Variants in SLC8A1 observed in about 807,000 individuals in gnomAD.
The protein encoded by SLC8A1 is sodium/calcium exchanger 1.
SLC8A1 carries 18 observed loss-of-function variants against 68.3 expected under a neutral mutation model. The observed-to-expected ratio is 0.26, with a 90% CI of 0.18 to 0.39. SLC8A1 has a LOEUF of 0.39. Among genes scored for constraint, SLC8A1 ranks in the 10% least tolerant of loss-of-function variants. The pLI is 1.00. For missense variants in SLC8A1, 985 were observed against 1,156.7 expected (o/e 0.85, Z 2.15); for synonymous variants, 475 against 415.5 (o/e 1.14, Z -1.74).
At chr2:40,161,392 T>C (rs1573383608) in intron 5 of SLC8A1, among the ~76,000 whole-genome samples, 2 of 152,196 alleles carry the variant, frequency 1.3e-5, no homozygotes, top group South Asian at 4.1e-4. Context: ...CTCTGGGTAC[T>C]ATTTTGTCAG....
intron 2 of SLC8A1, among the ~76,000 whole-genome samples, chr2:40,275,859 G>A (rs1217835326): frequency 6.6e-6 from 1 of 152,120 alleles, no homozygotes; most frequent in East Asian, 1.9e-4. Context: ...GGTGAAGTGG[G>A]GCATGGTGGT....
intron 2 of SLC8A1, among the ~76,000 whole-genome samples, chr2:40,330,324 T>C (rs2076285633): frequency 1.3e-5 from 2 of 152,208 alleles, no homozygotes; most frequent in Non-Finnish European, 2.9e-5. Context: ...AGGCCAGTCC[T>C]TCCTGCCATT....
At chr2:40,349,759 C>A (rs1670477021) in intron 2 of SLC8A1, among the ~76,000 whole-genome samples, 1 of 151,910 alleles carries the variant, frequency 6.6e-6, no homozygotes, top group African/African-American at 2.4e-5. Context: ...AAAACTAAAC[C>A]AATTTAGAAA....
intron 1 of SLC8A1, among the ~76,000 whole-genome samples, chr2:40,435,641 T>A (rs1371864411): frequency 1.3e-5 from 2 of 152,126 alleles, no homozygotes; most frequent in Non-Finnish European, 2.9e-5. Context: ...ATGAAGAAAC[T>A]AGGGTGAAGG....
At chr2:40,186,513 A>G (rs1026792001) in intron 2 of SLC8A1, among the ~76,000 whole-genome samples, 2 of 152,166 alleles carry the variant, frequency 1.3e-5, no homozygotes, top group African/African-American at 2.4e-5. Context: ...TTTCAAGTGG[A>G]ATAAGGACAG....
chr2:40,196,160 C>T (rs2052974279), intron 2 of SLC8A1, among the ~76,000 whole-genome samples: 1 of 151,882 alleles, frequency 6.6e-6, no homozygotes, highest in Non-Finnish European at 1.5e-5. Flanking sequence ...AACCAAATAG[C>T]TGACTTGTGT....
intron 2 of SLC8A1, among the ~76,000 whole-genome samples, chr2:40,324,501 A>T (rs1167605078): frequency 6.6e-6 from 1 of 152,186 alleles, no homozygotes; most frequent in Non-Finnish European, 1.5e-5. Flanking sequence ...TCCCCTTGTT[A>T]TCACTACGAA....
intron 2 of SLC8A1, among the ~76,000 whole-genome samples, chr2:40,186,976 T>C (rs1012814429): frequency 2.0e-5 from 3 of 152,186 alleles, no homozygotes; most frequent in Non-Finnish European, 4.4e-5. Context: ...GGTACTATTA[T>C]TCTTATTAGT....
At chr2:40,311,233 C>T (rs1319175073) in intron 2 of SLC8A1, among the ~76,000 whole-genome samples, 1 of 152,056 alleles carries the variant, frequency 6.6e-6, no homozygotes, top group East Asian at 1.9e-4. Flanking sequence ...CTAAAAAACA[C>T]TTGGTGTTCA....
intron 2 of SLC8A1, among the ~76,000 whole-genome samples, chr2:40,191,395 T>C (rs1376419804): frequency 6.6e-6 from 1 of 152,190 alleles, no homozygotes; most frequent in South Asian, 2.1e-4. Context: ...AAACACTTTA[T>C]AGGTAAGCAT....
chr2:40,115,754 C>T, intron 7 of SLC8A1, 125 bp from the exon 11 acceptor site: 2 of 1,261,074 alleles, frequency 1.6e-6, no homozygotes. Context: ...CAAGAAATGG[C>T]TTTGATGTTC....
rs774555210 is a variant in SLC8A1, at chr2:40,346,047, TAAAAAAAAAAAA to T, written c.1808+82414_1808+82425del. ...TAAACACACTCATCAACATTAACAG[TAAAAAAAAAAAA>T]AAAAAAAAAAAAAAGAAAGAAAGAA... On this transcript the variant is annotated intron_variant, in intron 2 of 7. Coordinates refer to ENST00000406785, the Ensembl canonical transcript of SLC8A1. 1.2e-4 allele frequency among the ~76,000 whole-genome samples: 5 copies of T among 41,710 alleles called. No homozygotes were observed. In the South Asian group the frequency reaches 2.7e-3, roughly 22 times the overall value. 27.4% of individuals were successfully genotyped at this position (41,710 alleles called of 152,430 possible). A position where few individuals can be genotyped will look rare whatever the true frequency, so the allele number is the denominator to read the frequency against.
chr2:40,373,005 G>A (rs779923976), intron 2 of SLC8A1, among the ~76,000 whole-genome samples: 24 of 151,228 alleles, frequency 1.6e-4, no homozygotes, highest in East Asian at 2.0e-4. Context: ...TGCAATCCCC[G>A]TCAAAATGTA....
At chr2:40,448,816 A>G (rs1701913265) in intron 1 of SLC8A1, among the ~76,000 whole-genome samples, 1 of 152,192 alleles carries the variant, frequency 6.6e-6, no homozygotes, top group Non-Finnish European at 1.5e-5. Context: ...AGCAAAACAC[A>G]TTTATCCTTG....
chr2:40,482,638 G>C (rs1704703321), intron 1 of SLC8A1, among the ~76,000 whole-genome samples: 1 of 152,094 alleles, frequency 6.6e-6, no homozygotes, highest in South Asian at 2.1e-4. Context: ...CTGGTAAGTG[G>C]CAGAGTGGGG....
chr2:40,115,647 A>C lies in SLC8A1; in HGVS notation c.2438-18T>G. The C allele has an allele frequency of 6.3e-7, 1 of 1,594,818 alleles. No homozygotes were observed. The highest frequency in any genetic ancestry group is 8.5e-7 in the Non-Finnish European group (1 of 1,175,168). On this transcript the variant is annotated intron_variant, in intron 7 of 7. Coordinates refer to ENST00000406785, the Ensembl canonical transcript of SLC8A1. Reference sequence around the variant, plus strand: ...AAATGTGTCTGCAGAGGAAGAAGAGAAAGTCAATGACACTCAATCTTTTAG... The same window carrying C: ...AAATGTGTCTGCAGAGGAAGAAGAGCAAGTCAATGACACTCAATCTTTTAG...
At chr2:40,495,399 C>T (rs116268970) in intron 1 of SLC8A1, among the ~76,000 whole-genome samples, 1 of 151,912 alleles carries the variant, frequency 6.6e-6, no homozygotes, top group Non-Finnish European at 1.5e-5. Context: ...AGGAGGAAAG[C>T]GAAGGATCCG....
chr2:40,411,581 T>C (rs930303387), intron 2 of SLC8A1, among the ~76,000 whole-genome samples: 4 of 151,968 alleles, frequency 2.6e-5, no homozygotes, highest in African/African-American at 9.7e-5. Context: ...ATAAACGTTG[T>C]CTTTAAAAAA....
chr2:40,320,315 G>T (rs573769657), intron 2 of SLC8A1, among the ~76,000 whole-genome samples: 1 of 151,982 alleles, frequency 6.6e-6, no homozygotes, highest in Non-Finnish European at 1.5e-5. Flanking sequence ...ATATTAGCCA[G>T]GGAACAGGGG....
Sources: allele counts gnomAD v4.1 joint callset (sites outside exome capture counted in the v4.1 genomes callset), GRCh38; gene constraint gnomAD v4.1.1; transcripts MANE v1.5; gene names NCBI Gene and HGNC (gene_info 2026-07-23, HGNC 2026-07-21).